Variants in GPC6 observed in about 807,000 individuals in gnomAD.
GPC6 encodes glypican-6.
Under a neutral mutation model 55.2 loss-of-function variants are expected in GPC6, and 14 were observed. The ratio of observed to expected loss-of-function variants is 0.25; its 90% CI spans 0.17 to 0.40. The LOEUF (loss-of-function observed/expected upper bound fraction) is 0.40. GPC6 is among the 10% of genes least tolerant of loss of function. The probability of loss-of-function intolerance (pLI) is 1.00; values close to 1 mark genes in which losing one functional copy is unlikely to be tolerated. For synonymous variants in GPC6, 278 were observed against 259.6 expected (o/e 1.07, Z -0.68); for missense variants, 641 against 708.5 (o/e 0.90, Z 1.08).
At chr13:93,775,796 T>C (rs1448892162) in intron 2 of GPC6, among the ~76,000 whole-genome samples, 1 of 149,958 alleles carries the variant, frequency 6.7e-6, no homozygotes, top group African/African-American at 2.5e-5. Context: ...AAGCAGAAGT[T>C]GGCGAATGTC....
chr13:94,196,989 T>C (rs1433957008), intron 4 of GPC6, among the ~76,000 whole-genome samples: 1 of 152,180 alleles, frequency 6.6e-6, no homozygotes, highest in Non-Finnish European at 1.5e-5. Context: ...AATAAATATA[T>C]TTGTTGGCTT....
At chr13:93,455,092 C>T (rs1878395432) in intron 1 of GPC6, among the ~76,000 whole-genome samples, 1 of 152,194 alleles carries the variant, frequency 6.6e-6, no homozygotes, top group Non-Finnish European at 1.5e-5. Context: ...GCAGGGCCCG[C>T]CAAGCCCACG....
At chr13:93,836,998 AT>A (rs1887759127) in intron 3 of GPC6, among the ~76,000 whole-genome samples, 1 of 152,208 alleles carries the variant, frequency 6.6e-6, no homozygotes, top group South Asian at 2.1e-4. Flanking sequence ...CAATTTGATT[AT>A]ATTGATTGAA....
At chr13:93,689,364 A>T (rs1008817809) in intron 2 of GPC6, among the ~76,000 whole-genome samples, 1 of 152,128 alleles carries the variant, frequency 6.6e-6, no homozygotes, top group Non-Finnish European at 1.5e-5. Context: ...GAAAATACAG[A>T]TATGTAACAA....
At chr13:94,354,517 C>T (rs1878701746) in intron 6 of GPC6, among the ~76,000 whole-genome samples, 1 of 152,208 alleles carries the variant, frequency 6.6e-6, no homozygotes, top group Admixed American at 6.5e-5. Flanking sequence ...TCAGGAGTGC[C>T]TTCCAGCTCC....
intron 3 of GPC6, among the ~76,000 whole-genome samples, chr13:93,902,504 G>A (rs1158537449): frequency 6.6e-6 from 1 of 152,094 alleles, no homozygotes; most frequent in African/African-American, 2.4e-5. Flanking sequence ...ATTGTGAATA[G>A]TGTCACAATA....
At chr13:94,241,305 T>G (rs995025339) in intron 4 of GPC6, among the ~76,000 whole-genome samples, 13 of 152,150 alleles carry the variant, frequency 8.5e-5, no homozygotes, top group Non-Finnish European at 1.5e-4. Context: ...TATTCTATTC[T>G]AGCAGCCTGA....
At chr13:93,219,093 T>G in the GPC6 span, among the ~76,000 whole-genome samples, 3 of 151,274 alleles carry the variant, frequency 2.0e-5, no homozygotes, top group Admixed American at 6.6e-5. Flanking sequence ...CTTTCCTATT[T>G]TTTTTTTTTT....
chr13:94,111,893 C>A (rs1310657497), intron 4 of GPC6, among the ~76,000 whole-genome samples: 1 of 152,006 alleles, frequency 6.6e-6, no homozygotes, highest in African/African-American at 2.4e-5. Context: ...TTTTTGAAGC[C>A]GTGGACCCTG....
At chr13:94,349,146 A>T (rs1031185437) in intron 6 of GPC6, among the ~76,000 whole-genome samples, 15 of 152,162 alleles carry the variant, frequency 9.9e-5, no homozygotes, top group Non-Finnish European at 2.1e-4. Context: ...CTGGAGGCTC[A>T]ACCACCCAAG....
chr13:93,340,912 ATATACTCT>A (rs944733715), intron 1 of GPC6, among the ~76,000 whole-genome samples: 1 of 152,088 alleles, frequency 6.6e-6, no homozygotes, highest in Admixed American at 6.6e-5. Context: ...TGTACCCGAT[ATATACTCT>A]TTTATCTCTC....
At chr13:93,979,281 T>TGTG (rs1880664587) in intron 3 of GPC6, among the ~76,000 whole-genome samples, 1 of 140,180 alleles carries the variant, frequency 7.1e-6, no homozygotes, top group Non-Finnish European at 1.5e-5. Context: ...GACACTTCTT[T>TGTG]TGTGTGTGTG....
intron 2 of GPC6, among the ~76,000 whole-genome samples, chr13:93,760,593 T>C (rs768253085): frequency 1.3e-5 from 2 of 152,068 alleles, no homozygotes; most frequent in African/African-American, 2.4e-5. Flanking sequence ...GACCTGACTA[T>C]CTAAAAATGC....
At chr13:93,509,958 G>T (rs1880885029) in intron 1 of GPC6, among the ~76,000 whole-genome samples, 1 of 152,132 alleles carries the variant, frequency 6.6e-6, no homozygotes, top group South Asian at 2.1e-4. Flanking sequence ...TTTTTCTGTT[G>T]AATCATAAAT....
chr13:93,887,293 AAT>A (rs1314774893), intron 3 of GPC6, among the ~76,000 whole-genome samples: 2 of 152,098 alleles, frequency 1.3e-5, no homozygotes, highest in East Asian at 3.9e-4. Context: ...AGCTTGAATA[AAT>A]ATAGTCAAGA....
chr13:93,582,304 A>G (rs1046221358), intron 2 of GPC6, among the ~76,000 whole-genome samples: 6 of 152,210 alleles, frequency 3.9e-5, no homozygotes, highest in Non-Finnish European at 5.9e-5. Context: ...TATGTCATGG[A>G]GTAAAAATTG....
At chr13:93,863,616 G>A (rs550207510) in intron 3 of GPC6, among the ~76,000 whole-genome samples, 17 of 151,504 alleles carry the variant, frequency 1.1e-4, no homozygotes, top group Non-Finnish European at 2.2e-4. Context: ...TAGCTAAATC[G>A]CATCCATCAC....
At chr13:93,651,958 G>C (rs1880436206) in intron 2 of GPC6, among the ~76,000 whole-genome samples, 1 of 152,148 alleles carries the variant, frequency 6.6e-6, no homozygotes, top group South Asian at 2.1e-4. Flanking sequence ...TGTGCAGCCA[G>C]GGCTGAGAAC....
intron 4 of GPC6, among the ~76,000 whole-genome samples, chr13:94,151,067 C>A (rs1887722373): frequency 6.6e-6 from 1 of 151,780 alleles, no homozygotes; most frequent in South Asian, 2.1e-4. Context: ...AGCTGCCTGG[C>A]CTTATGGATG....
Sources: allele counts gnomAD v4.1 joint callset (sites outside exome capture counted in the v4.1 genomes callset), GRCh38; gene constraint gnomAD v4.1.1; transcripts MANE v1.5; gene names NCBI Gene and HGNC (gene_info 2026-07-23, HGNC 2026-07-21).